Variants in LRP1B observed in about 807,000 individuals in gnomAD.
LRP1B encodes LDL receptor related protein 1B, also known as low-density lipoprotein receptor-related protein 1B.
In LRP1B, 217 loss-of-function variants were observed where a neutral mutation model predicts 556.6. The ratio of observed to expected loss-of-function variants is 0.39; its 90% CI spans 0.35 to 0.44. The LOEUF is 0.44. Among genes scored for constraint, LRP1B ranks in the 20% least tolerant of loss-of-function variants. LRP1B has a pLI of 1.00. For synonymous variants in LRP1B, 2,047 were observed against 1,865.8 expected (o/e 1.10, Z -2.50); for missense variants, 5,053 against 5,620.8 (o/e 0.90, Z 3.23).
chr2:140,585,425 A>AGTAT (rs1231987893), intron 43 of LRP1B, among the ~76,000 whole-genome samples: 1 of 152,160 alleles, frequency 6.6e-6, no homozygotes, highest in Non-Finnish European at 1.5e-5. Flanking sequence ...CCTGAAAAGC[A>AGTAT]GTATGTTCTA....
chr2:141,105,467 C>T (rs1386106296), intron 7 of LRP1B, among the ~76,000 whole-genome samples: 4 of 151,966 alleles, frequency 2.6e-5, no homozygotes, highest in African/African-American at 4.8e-5. Context: ...CCCTATAGTT[C>T]AAAATAATAC....
chr2:141,675,226 C>G (rs142641505), intron 2 of LRP1B, among the ~76,000 whole-genome samples: 67 of 151,794 alleles, frequency 4.4e-4, no homozygotes, highest in Non-Finnish European at 1.5e-4. Flanking sequence ...ATTTAAAGTA[C>G]CTTTCCTAAT....
At chr2:140,751,744 A>C (rs1688587486) in intron 35 of LRP1B, among the ~76,000 whole-genome samples, 1 of 152,150 alleles carries the variant, frequency 6.6e-6, no homozygotes, top group Admixed American at 6.5e-5. Flanking sequence ...CAAGTTTATC[A>C]ACCTTTAAAA....
chr2:140,475,603 GT>G (rs1171413122), intron 59 of LRP1B, among the ~76,000 whole-genome samples: 1 of 149,870 alleles, frequency 6.7e-6, no homozygotes, highest in East Asian at 1.9e-4. Flanking sequence ...ATAATATCAT[GT>G]GTTAACCAAT....
At chr2:142,076,407 T>G (rs565207287) in intron 1 of LRP1B, among the ~76,000 whole-genome samples, 1 of 152,224 alleles carries the variant, frequency 6.6e-6, no homozygotes, top group Admixed American at 6.6e-5. Flanking sequence ...CATCCATGAA[T>G]TTCGAGTGCT....
intron 3 of LRP1B, among the ~76,000 whole-genome samples, chr2:141,433,024 G>A (rs1573939814): frequency 6.6e-6 from 1 of 151,914 alleles, no homozygotes; most frequent in Middle Eastern, 3.4e-3. Flanking sequence ...ATATTGTATA[G>A]GTATATACAA....
intron 32 of LRP1B, among the ~76,000 whole-genome samples, chr2:140,789,375 A>G (rs1300089277): frequency 6.6e-6 from 1 of 152,114 alleles, no homozygotes; most frequent in Non-Finnish European, 1.5e-5. Context: ...ATGAACTCCT[A>G]AAGTTCTCCC....
Position 141,943,195 on chromosome 2 carries a change from C to T in LRP1B, c.83-132794G>A, listed in dbSNP as rs1472577300. On this transcript the variant is annotated intron_variant, in intron 1 of 90. Coordinates refer to ENST00000389484, the MANE Select transcript of LRP1B (RefSeq NM_018557.3). ...TTTCTACCTTTGTTTGTCTTGGAGGCAATCATTTAAAAATAGACTTTTAAA... is the reference window on the plus strand; with the variant it reads ...TTTCTACCTTTGTTTGTCTTGGAGGTAATCATTTAAAAATAGACTTTTAAA... Among the ~76,000 whole-genome samples the T allele has an allele frequency of 2.6e-5, 4 of 152,032 alleles. No individual in the cohort carries two copies. The East Asian group carries it at 7.7e-4, about 29-fold the overall frequency.
At chr2:140,637,424 CTTCTTT>C in intron 41 of LRP1B, among the ~76,000 whole-genome samples, 1 of 152,236 alleles carries the variant, frequency 6.6e-6, no homozygotes, top group African/African-American at 2.4e-5. Context: ...AATTTTGATT[CTTCTTT>C]GAACATGTTT....
intron 1 of LRP1B, among the ~76,000 whole-genome samples, chr2:141,878,622 G>C (rs1256590959): frequency 6.6e-6 from 1 of 151,898 alleles, no homozygotes; most frequent in African/African-American, 2.4e-5. Flanking sequence ...TGTTGATAAA[G>C]TCATATATTA....
At chr2:141,555,054 C>T (rs1291543135) in intron 2 of LRP1B, among the ~76,000 whole-genome samples, 1 of 151,922 alleles carries the variant, frequency 6.6e-6, no homozygotes, top group Non-Finnish European at 1.5e-5. Flanking sequence ...GGGAAGATGC[C>T]CAGACGTTCA....
chr2:140,930,992 T>C (rs545870335), intron 20 of LRP1B, among the ~76,000 whole-genome samples: 1 of 152,204 alleles, frequency 6.6e-6, no homozygotes, highest in South Asian at 2.1e-4. Flanking sequence ...CTAAGGAGTT[T>C]AGCCTGCCCT....
rs138926503 is a variant in LRP1B, at chr2:140,652,041, G to T, written c.6799+48209C>A. ...TTAAAGTTCATAGAACAAAAAAAATGTAAGTTTAAGAGATTTTATAAAAAA... is the reference window on the plus strand; with the variant it reads ...TTAAAGTTCATAGAACAAAAAAAATTTAAGTTTAAGAGATTTTATAAAAAA... On this transcript the variant is annotated intron_variant, in intron 41 of 90. Coordinates refer to ENST00000389484, the MANE Select transcript of LRP1B (RefSeq NM_018557.3). 6.6e-5 allele frequency among the ~76,000 whole-genome samples: 10 copies of T among 152,010 alleles called. No homozygotes were observed. The East Asian group carries it at 1.9e-3, about 29-fold the overall frequency.
chr2:141,085,451 T>C (rs1040753570), intron 7 of LRP1B, among the ~76,000 whole-genome samples: 2 of 152,096 alleles, frequency 1.3e-5, no homozygotes, highest in Non-Finnish European at 2.9e-5. Flanking sequence ...ACTGATGTCC[T>C]TGTGAGAAGA....
intron 7 of LRP1B, among the ~76,000 whole-genome samples, chr2:141,075,567 T>A (rs1699765317): frequency 6.6e-6 from 1 of 152,184 alleles, no homozygotes; most frequent in South Asian, 2.1e-4. Flanking sequence ...ACGTGATTCA[T>A]GTGGAACAGT....
chr2:141,570,818 C>T (rs551075186), intron 2 of LRP1B, among the ~76,000 whole-genome samples: 1 of 151,302 alleles, frequency 6.6e-6, no homozygotes. Context: ...AGGCCTGACC[C>T]GGACCCATCC....
At chr2:140,880,116 G>A (rs1693428631) in intron 25 of LRP1B, among the ~76,000 whole-genome samples, 1 of 152,064 alleles carries the variant, frequency 6.6e-6, no homozygotes, top group East Asian at 1.9e-4. Flanking sequence ...AAATTTTTAT[G>A]GCAGTTAAAA....
At chr2:141,129,512 C>T (rs531427481) in intron 7 of LRP1B, among the ~76,000 whole-genome samples, 1 of 147,906 alleles carries the variant, frequency 6.8e-6, no homozygotes, top group East Asian at 2.1e-4. Flanking sequence ...TGCAAGCATT[C>T]ATATTAAACT....
chr2:141,687,969 C>A (rs1326413435), intron 2 of LRP1B, among the ~76,000 whole-genome samples: 1 of 150,808 alleles, frequency 6.6e-6, no homozygotes, highest in African/African-American at 2.4e-5. Context: ...TTTTGCAATT[C>A]CAATTTTTTA....
Sources: allele counts gnomAD v4.1 joint callset (sites outside exome capture counted in the v4.1 genomes callset), GRCh38; gene constraint gnomAD v4.1.1; transcripts MANE v1.5; gene names NCBI Gene and HGNC (gene_info 2026-07-23, HGNC 2026-07-21).